IQCJ: variants seen among roughly 807,000 people sequenced by gnomAD.
IQCJ encodes IQ motif containing J.
In IQCJ, 9 loss-of-function variants were observed where a neutral mutation model predicts 11.0. That is an observed-to-expected ratio of 0.82 (90% CI 0.49 to 1.43). The LOEUF (loss-of-function observed/expected upper bound fraction) is 1.43. Among genes scored for constraint, IQCJ ranks in the 40% most tolerant of loss-of-function variants. IQCJ has a pLI of 0.00. For missense variants in IQCJ, 146 were observed against 133.2 expected (o/e 1.10, Z -0.47); for synonymous variants, 55 against 51.3 (o/e 1.07, Z -0.31).
chr3:159,164,798 G>GT (rs1483975757), intron 1 of IQCJ, among the ~76,000 whole-genome samples: 2 of 152,132 alleles, frequency 1.3e-5, no homozygotes, highest in African/African-American at 4.8e-5. Context: ...TCAGCTGCGT[G>GT]TGACAGAAAG....
intron 3 of IQCJ, among the ~76,000 whole-genome samples, chr3:159,256,015 G>A (rs145579341): frequency 1.6e-4 from 24 of 152,282 alleles, no homozygotes; most frequent in Non-Finnish European, 2.4e-4. Context: ...AGAAGGCCTC[G>A]CAGCACAGGC....
At chr3:159,186,996 T>C (rs995161459) in intron 1 of IQCJ, among the ~76,000 whole-genome samples, 5 of 152,220 alleles carry the variant, frequency 3.3e-5, no homozygotes, top group African/African-American at 1.2e-4. Flanking sequence ...CATTAAAATG[T>C]TGGCATTGGG....
intron 1 of IQCJ, among the ~76,000 whole-genome samples, chr3:159,101,204 GC>G (rs11344149): frequency 0.076 from 11,158 of 147,742 alleles, 559 homozygotes; most frequent in East Asian, 0.32. Context: ...CCCAGGTGAG[GC>G]AATGCCTCGC....
intron 1 of IQCJ, among the ~76,000 whole-genome samples, chr3:159,094,233 G>A (rs1475713695): frequency 6.6e-6 from 1 of 151,204 alleles, no homozygotes; most frequent in Non-Finnish European, 1.5e-5. Flanking sequence ...ACAAATATTG[G>A]CCTCAAGGTT....
At position 159,091,781 on chromosome 3, in the gene IQCJ, C is replaced by G. The variant is rs1300588289; in HGVS notation, c.9+22340C>G. Among the ~76,000 whole-genome samples, 3 of 150,414 alleles carry G rather than the reference C, an allele frequency of 2.0e-5. No individual in the cohort carries two copies. In the East Asian group the frequency reaches 5.8e-4, roughly 29 times the overall value. ...TTTGAGTATCAGAATGATAATGGCACTAAAATATTGTAACTTTTTAATAAA... is the reference window on the plus strand; with the variant it reads ...TTTGAGTATCAGAATGATAATGGCAGTAAAATATTGTAACTTTTTAATAAA... On this transcript the variant is annotated intron_variant, in intron 1 of 3. Transcript: ENST00000397832.
intron 1 of IQCJ, among the ~76,000 whole-genome samples, chr3:159,195,142 GT>G (rs1723912268): frequency 1.3e-5 from 2 of 151,864 alleles, no homozygotes. Context: ...ACTGGAGCAC[GT>G]TTCCATATCT....
At chr3:159,148,724 C>T (rs1490428719) in intron 1 of IQCJ, among the ~76,000 whole-genome samples, 4 of 152,170 alleles carry the variant, frequency 2.6e-5, no homozygotes, top group African/African-American at 9.7e-5. Context: ...GCAAAATCAC[C>T]TCTGCCTAAT....
intron 1 of IQCJ, among the ~76,000 whole-genome samples, chr3:159,227,054 T>C (rs955623242): frequency 6.6e-6 from 1 of 152,128 alleles, no homozygotes; most frequent in East Asian, 1.9e-4. Context: ...GGAGGCTTAA[T>C]GAGATGGTGC....
chr3:159,201,658 G>A (rs576567562), intron 1 of IQCJ, among the ~76,000 whole-genome samples: 1 of 97,958 alleles, frequency 1.0e-5, no homozygotes, highest in Admixed American at 1.4e-4. Context: ...TTTTTGAGAC[G>A]GAGTCTCGCT....
intron 1 of IQCJ, among the ~76,000 whole-genome samples, chr3:159,107,007 A>G (rs1277522241): frequency 1.3e-5 from 2 of 152,212 alleles, no homozygotes; most frequent in East Asian, 3.8e-4. Flanking sequence ...GTGAAGTCAA[A>G]TATTCTGTTG....
chr3:159,128,556 C>G (rs1719804977), intron 1 of IQCJ, among the ~76,000 whole-genome samples: 1 of 152,168 alleles, frequency 6.6e-6, no homozygotes, highest in Non-Finnish European at 1.5e-5. Context: ...AAATCCCACA[C>G]TTTTTGTAGT....
chr3:159,083,790 G>C (rs537801551), intron 1 of IQCJ, among the ~76,000 whole-genome samples: 1 of 152,226 alleles, frequency 6.6e-6, no homozygotes, highest in East Asian at 1.9e-4. Flanking sequence ...TCTCCACTGA[G>C]TGAAGAAAAA....
intron 1 of IQCJ, among the ~76,000 whole-genome samples, chr3:159,084,621 G>T (rs973556878): frequency 6.6e-6 from 1 of 152,088 alleles, no homozygotes; most frequent in Non-Finnish European, 1.5e-5. Flanking sequence ...AGCCTAGAAG[G>T]GTTAAGCAAC....
At position 159,194,599 on chromosome 3, in the gene IQCJ, C is replaced by G. The variant is rs73877540; in HGVS notation, c.10-51244C>G. ...TATCATTTTAGATGCTCAGAGTATC[C>G]TTTGATCCCTCTGGGTTCACTGAAC... On this transcript the variant is annotated intron_variant, in intron 1 of 3. Transcript: ENST00000397832. Among the ~76,000 whole-genome samples, 1,453 of 152,262 alleles carry G rather than the reference C, an allele frequency of 9.5e-3. 24 individuals carry two copies. Among genetic ancestry groups the G allele is most frequent in the African/African-American group, 0.034 (1,403 of 41,534 alleles).
chr3:159,256,827 G>A (rs1272374206), intron 3 of IQCJ, among the ~76,000 whole-genome samples: 2 of 152,186 alleles, frequency 1.3e-5, no homozygotes, highest in South Asian at 2.1e-4. Context: ...ATTTGAAAAT[G>A]TTTGATATGT....
intron 1 of IQCJ, among the ~76,000 whole-genome samples, chr3:159,217,950 G>A (rs1190372496): frequency 6.6e-6 from 1 of 151,990 alleles, no homozygotes; most frequent in Non-Finnish European, 1.5e-5. Flanking sequence ...GCTCCTTGAG[G>A]ACAGTGGCTG....
intron 1 of IQCJ, among the ~76,000 whole-genome samples, chr3:159,153,311 A>C (rs1231809442): frequency 6.6e-6 from 1 of 151,982 alleles, no homozygotes; most frequent in Non-Finnish European, 1.5e-5. Context: ...CTTTCCCTTA[A>C]CTCCCCCAAA....
At chr3:159,251,482 A>G (rs371575807) in intron 2 of IQCJ, among the ~76,000 whole-genome samples, 4 of 151,910 alleles carry the variant, frequency 2.6e-5, no homozygotes, top group East Asian at 3.9e-4. Context: ...TTCACACTGT[A>G]GATCATAATC....
intron 1 of IQCJ, among the ~76,000 whole-genome samples, chr3:159,152,142 A>G (rs1721264930): frequency 6.6e-6 from 1 of 152,196 alleles, no homozygotes; most frequent in South Asian, 2.1e-4. Context: ...TGCCGCCTCC[A>G]GGACCCACCA....
Sources: allele counts gnomAD v4.1 joint callset (sites outside exome capture counted in the v4.1 genomes callset), GRCh38; gene constraint gnomAD v4.1.1; transcripts MANE v1.5; gene names NCBI Gene and HGNC (gene_info 2026-07-23, HGNC 2026-07-21).